Variants in CLUAP1 observed in about 807,000 individuals in gnomAD.
CLUAP1 encodes clusterin-associated protein 1.
CLUAP1 carries 50 observed loss-of-function variants against 55.0 expected under a neutral mutation model. The observed-to-expected ratio is 0.91, with a 90% CI of 0.72 to 1.15. The LOEUF is 1.15. Among genes scored for constraint, CLUAP1 ranks in the 50% most tolerant of loss-of-function variants. The pLI is 0.00. For missense variants in CLUAP1, 530 were observed against 507.6 expected (o/e 1.04, Z -0.42); for synonymous variants, 195 against 175.4 (o/e 1.11, Z -0.88).
At chr16:3,519,438 G>A (rs1024051670) in intron 6 of CLUAP1, among the ~76,000 whole-genome samples, 4 of 152,252 alleles carry the variant, frequency 2.6e-5, no homozygotes, top group Non-Finnish European at 4.4e-5. Flanking sequence ...TTAGGGCTGG[G>A]ACCAGCTGTT....
intron 6 of CLUAP1, among the ~76,000 whole-genome samples, chr16:3,517,841 G>A (rs1209076298): frequency 1.3e-5 from 2 of 152,198 alleles, no homozygotes; most frequent in Admixed American, 6.5e-5. Flanking sequence ...TAACCAGCCT[G>A]TATGCTCCCA....
In CLUAP1 at chr16:3,521,739, T is replaced by G. The variant is rs561442683; in HGVS notation, c.714-1419T>G. ...TGAGTCATCATCACGCCTGGCCTTT[T>G]TAAAAAATTTTTTATCGTTTAAAAA... On this transcript the variant is annotated intron_variant, in intron 7 of 11. Transcript: ENST00000576634. 2.6e-5 allele frequency among the ~76,000 whole-genome samples: 4 copies of G among 152,056 alleles called. No homozygotes were observed. In the East Asian group the frequency reaches 7.8e-4, roughly 30 times the overall value.
intron 4 of CLUAP1, among the ~76,000 whole-genome samples, chr16:3,509,462 G>A (rs560679596): frequency 1.9e-4 from 29 of 152,344 alleles, no homozygotes; most frequent in African/African-American, 6.3e-4. Context: ...CCATCAGACC[G>A]AAGCAGGCGG....
intron 3 of CLUAP1, among the ~76,000 whole-genome samples, chr16:3,506,862 C>T (rs982020207): frequency 2.6e-5 from 4 of 152,056 alleles, no homozygotes; most frequent in African/African-American, 9.7e-5. Flanking sequence ...ATTTCACCAG[C>T]GAAGTTCTTT....
At chr16:3,531,397 C>T (rs1325824204) in intron 10 of CLUAP1, among the ~76,000 whole-genome samples, 1 of 152,104 alleles carries the variant, frequency 6.6e-6, no homozygotes, top group Non-Finnish European at 1.5e-5. Flanking sequence ...TGGCGGGCGC[C>T]CATAGTCCCA....
rs777587545 is a variant in CLUAP1, at chr16:3,536,163, T to C, written c.1134T>C (p.Asp378=). ...GTGAAATTGACATGGAAGATGATGA[T>C]GACGAGGATGACGATTTGGAAGACG... ...EESEIDMEDD[D]DEDDDLEDES... is the part of the protein sequence containing the mutation. Residue 378 remains aspartate, a synonymous_variant, in exon 12 of 12, where the codon GAT becomes GAC. Coordinates refer to ENST00000576634, the MANE Select transcript of CLUAP1 (RefSeq NM_015041.3). 17 of 1,614,124 alleles carry C rather than the reference T, an allele frequency of 1.1e-5. No individual in the cohort carries two copies. The South Asian group carries it at 1.5e-4, about 15-fold the overall frequency.
At chr16:3,527,418 C>T (rs892759590) in intron 9 of CLUAP1, among the ~76,000 whole-genome samples, 2 of 152,142 alleles carry the variant, frequency 1.3e-5, no homozygotes, top group Non-Finnish European at 2.9e-5. Context: ...CACCAGAGGG[C>T]TCCTTGGTCT....
chr16:3,526,424 A>G lies in CLUAP1; in HGVS notation c.868A>G (p.Thr290Ala). 6.2e-7 allele frequency: 1 copy of G among 1,604,404 alleles called. No individual in the cohort carries two copies. Among genetic ancestry groups the G allele is most frequent in the Non-Finnish European group, 8.5e-7 (1 of 1,177,182 alleles). ...EQERFEEAKNTLCLIQNKLKE... is the reference protein window; with the variant it reads ...EQERFEEAKNALCLIQNKLKE... ...TCCTCTTCCACAGGAAGCTAAAAAC[A>G]CTCTCTGCCTGATACAGAACAAGCT... Residue 290 changes from threonine (T) to alanine (A), a missense_variant, in exon 9 of 12, where the codon ACT becomes GCT. Transcript: ENST00000576634.
intron 8 of CLUAP1, among the ~76,000 whole-genome samples, chr16:3,525,444 G>A (rs1172929129): frequency 6.6e-6 from 1 of 151,992 alleles, no homozygotes; most frequent in African/African-American, 2.4e-5. Context: ...TAGAATACCT[G>A]TTCCCTCGAA....
At chr16:3,507,459 C>G (rs1469402281) in intron 3 of CLUAP1, among the ~76,000 whole-genome samples, 1 of 150,738 alleles carries the variant, frequency 6.6e-6, no homozygotes, top group Non-Finnish European at 1.5e-5. Flanking sequence ...GCTTGGGAGG[C>G]TGAGGTGGGA....
intron 9 of CLUAP1, among the ~76,000 whole-genome samples, chr16:3,529,191 C>A (rs2151066240): frequency 6.6e-6 from 1 of 151,254 alleles, no homozygotes; most frequent in South Asian, 2.1e-4. Context: ...TAACATAATG[C>A]CTATACATCA....
At chr16:3,518,125 G>T (rs966637152) in intron 6 of CLUAP1, among the ~76,000 whole-genome samples, 1 of 152,116 alleles carries the variant, frequency 6.6e-6, no homozygotes, top group Admixed American at 6.5e-5. Context: ...GGAACGTCTG[G>T]TCAGCAACTT....
chr16:3,502,328 C>T (rs544227449), intron 1 of CLUAP1, among the ~76,000 whole-genome samples: 2 of 151,964 alleles, frequency 1.3e-5, no homozygotes, highest in East Asian at 3.9e-4. Context: ...TCTGTAGTCC[C>T]AGGTACTTGG....
rs765608293 is a variant in CLUAP1, at chr16:3,508,421, A to G, written c.352A>G (p.Ile118Val). ...MKTKGMEGSEIVEEDVNKFKF... is the reference protein window; with the variant it reads ...MKTKGMEGSEVVEEDVNKFKF... ...GACCAAGGGGATGGAGGGCTCTGAA[A>G]TAGTAGAGGAAGATGTCAACAAGTT... The change falls in exon 4 of 12, where the codon ATA becomes GTA. Residue 118 changes from isoleucine (I) to valine (V), a missense_variant. Coordinates refer to ENST00000576634, the MANE Select transcript of CLUAP1 (RefSeq NM_015041.3). 1.3e-6 allele frequency: 2 copies of G among 1,590,868 alleles called. No individual in the cohort carries two copies. The highest frequency in any genetic ancestry group is 1.9e-5 in the Admixed American group (1 of 52,352).
chr16:3,524,301 CAAAA>C (rs1006839826), intron 8 of CLUAP1, among the ~76,000 whole-genome samples: 2 of 143,494 alleles, frequency 1.4e-5, no homozygotes, highest in African/African-American at 5.2e-5. Flanking sequence ...GACCCTGTCT[CAAAA>C]AGAAAAAAAA....
rs1278135388 is a variant in CLUAP1 at position 3,508,444 on chromosome 16, G to A, written c.375G>A (p.Lys125=). ...AAATAGTAGAGGAAGATGTCAACAA[G>A]TTCAAGTTTGATCTTGGCTCAAAGG... ...GSEIVEEDVN[K]FKFDLGSKIA... is the part of the protein sequence containing the mutation. Residue 125 remains lysine, a synonymous_variant, in exon 4 of 12, where the codon AAG becomes AAA. Transcript: ENST00000576634. 1.3e-6 allele frequency: 2 copies of A among 1,578,666 alleles called. No homozygotes were observed. Among genetic ancestry groups the A allele is most frequent in the Admixed American group, 2.0e-5 (1 of 48,790 alleles).
chr16:3,518,956 C>A (rs540257128), intron 6 of CLUAP1, among the ~76,000 whole-genome samples: 51 of 152,304 alleles, frequency 3.3e-4, no homozygotes, highest in African/African-American at 1.2e-3. Flanking sequence ...GGAGGGGAAG[C>A]CCCACCTTGG....
At chr16:3,504,852 A>G (rs369306653) in intron 2 of CLUAP1, 21 bp downstream of exon 2, 6 of 1,318,980 alleles carry the variant, frequency 4.5e-6, no homozygotes, top group Non-Finnish European at 6.6e-6. Context: ...CACTTTATTG[A>G]CATCTAAGAG....
At chr16:3,500,839 C>T, upstream of CLUAP1, 1 of 575,290 alleles carries the variant, frequency 1.7e-6, no homozygotes, top group Non-Finnish European at 3.1e-6. Context: ...CCCTCATAGA[C>T]GCCGGTATCG....
Sources: allele counts gnomAD v4.1 joint callset (sites outside exome capture counted in the v4.1 genomes callset), GRCh38; gene constraint gnomAD v4.1.1; transcripts MANE v1.5; gene names NCBI Gene and HGNC (gene_info 2026-07-23, HGNC 2026-07-21).